EPHA6: variants seen among roughly 807,000 people sequenced by gnomAD.
EPHA6 encodes the protein EPH receptor A6.
Under a neutral mutation model 112.0 loss-of-function variants are expected in EPHA6, and 50 were observed. That is an observed-to-expected ratio of 0.45 (90% confidence interval 0.36 to 0.56). The LOEUF (loss-of-function observed/expected upper bound fraction) is 0.56. Ranked by LOEUF, EPHA6 falls within the 20% of genes least tolerant of loss-of-function variation. EPHA6 has a pLI of 0.00. For missense variants in EPHA6, 1,280 were observed against 1,417.4 expected (o/e 0.90, Z 1.56); for synonymous variants, 529 against 490.7 (o/e 1.08, Z -1.03).
At chr3:97,441,415 GACAA>G (rs756862121) in intron 6 of EPHA6, 1 of 974,472 alleles carries the variant, frequency 1.0e-6, no homozygotes, top group Non-Finnish European at 1.2e-6. Context: ...ACAAAATACA[GACAA>G]ACAAAACTAC....
At chr3:96,859,718 A>G (rs1330839879) in intron 1 of EPHA6, among the ~76,000 whole-genome samples, 1 of 152,100 alleles carries the variant, frequency 6.6e-6, no homozygotes, top group African/African-American at 2.4e-5. Flanking sequence ...TCCTACAGGT[A>G]GGAAATTATT....
intron 4 of EPHA6, among the ~76,000 whole-genome samples, chr3:97,237,489 G>C (rs2078714549): frequency 6.6e-6 from 1 of 151,928 alleles, no homozygotes; most frequent in Non-Finnish European, 1.5e-5. Flanking sequence ...TGATGTTGGA[G>C]AATCGAGTTA....
chr3:96,977,012 G>C (rs1304813907), intron 2 of EPHA6, among the ~76,000 whole-genome samples: 6 of 152,172 alleles, frequency 3.9e-5, no homozygotes, highest in Admixed American at 3.9e-4. Flanking sequence ...TGTGAAGTCT[G>C]TCAGGGTGTG....
chr3:97,289,411 G>T (rs1379997632), intron 5 of EPHA6, among the ~76,000 whole-genome samples: 3 of 152,022 alleles, frequency 2.0e-5, no homozygotes, highest in African/African-American at 4.8e-5. Flanking sequence ...TTTATTAGGG[G>T]TTCTGTATTC....
intron 11 of EPHA6, among the ~76,000 whole-genome samples, chr3:97,549,802 C>T (rs1268416555): frequency 6.6e-6 from 1 of 151,930 alleles, no homozygotes; most frequent in African/African-American, 2.4e-5. Context: ...CAAGGCGAGA[C>T]TCTGTCTCCA....
chr3:96,883,374 C>T (rs1251045673), intron 2 of EPHA6, among the ~76,000 whole-genome samples: 7 of 152,102 alleles, frequency 4.6e-5, no homozygotes. Context: ...AGGTTGTTTA[C>T]TCTGCTGACT....
At chr3:97,380,137 T>C (rs2085642801) in intron 5 of EPHA6, among the ~76,000 whole-genome samples, 1 of 152,168 alleles carries the variant, frequency 6.6e-6, no homozygotes, top group South Asian at 2.1e-4. Flanking sequence ...TAATACCTGA[T>C]CTGTCTGCAG....
chr3:97,661,116 A>T (rs1166628068), intron 14 of EPHA6, among the ~76,000 whole-genome samples: 1 of 152,178 alleles, frequency 6.6e-6, no homozygotes, highest in Non-Finnish European at 1.5e-5. Flanking sequence ...ATCCAGAAAT[A>T]ACATCTCTTT....
At chr3:96,940,390 A>G (rs530324780) in intron 2 of EPHA6, among the ~76,000 whole-genome samples, 30 of 152,224 alleles carry the variant, frequency 2.0e-4, no homozygotes, top group African/African-American at 6.7e-4. Context: ...GTTAGTTTAA[A>G]GTCTGTTTTA....
At chr3:97,622,288 G>A (rs563673706) in intron 13 of EPHA6, among the ~76,000 whole-genome samples, 23 of 151,770 alleles carry the variant, frequency 1.5e-4, no homozygotes, top group East Asian at 7.8e-4. Context: ...ACAGCATTCC[G>A]CTGTCTGTCT....
chr3:97,057,605 G>T (rs1199470547), intron 3 of EPHA6, among the ~76,000 whole-genome samples: 1 of 152,168 alleles, frequency 6.6e-6, no homozygotes, highest in East Asian at 1.9e-4. Flanking sequence ...CAGAGTAAAA[G>T]TATCAGGAGA....
chr3:97,087,707 T>C (rs1384880596), intron 3 of EPHA6, among the ~76,000 whole-genome samples: 1 of 152,180 alleles, frequency 6.6e-6, no homozygotes, highest in South Asian at 2.1e-4. Context: ...ATGACAGTAG[T>C]GAGTAACTAC....
intron 5 of EPHA6, among the ~76,000 whole-genome samples, chr3:97,297,725 T>A (rs1260304511): frequency 6.6e-6 from 1 of 152,184 alleles, no homozygotes; most frequent in Non-Finnish European, 1.5e-5. Context: ...TCTTGCACCC[T>A]CTTCAACATC....
intron 3 of EPHA6, among the ~76,000 whole-genome samples, chr3:97,103,112 G>T (rs1320395509): frequency 6.6e-6 from 1 of 151,950 alleles, no homozygotes; most frequent in Non-Finnish European, 1.5e-5. Flanking sequence ...AGTTTCTTTT[G>T]CTGTGCAGAA....
At chr3:97,641,759 T>C (rs1303327439) in intron 14 of EPHA6, among the ~76,000 whole-genome samples, 1 of 152,052 alleles carries the variant, frequency 6.6e-6, no homozygotes, top group Non-Finnish European at 1.5e-5. Context: ...CACCACGAGA[T>C]TATATCCCAC....
At chr3:96,939,149 T>G (rs1479081712) in intron 2 of EPHA6, among the ~76,000 whole-genome samples, 1 of 152,198 alleles carries the variant, frequency 6.6e-6, no homozygotes, top group Non-Finnish European at 1.5e-5. Flanking sequence ...TTCCCTCTTT[T>G]TCTGTTGATT....
At chr3:96,850,168 T>A (rs962193021) in intron 1 of EPHA6, among the ~76,000 whole-genome samples, 1 of 151,784 alleles carries the variant, frequency 6.6e-6, no homozygotes. Context: ...TGGTTTGGAG[T>A]GGAGAAGGGC....
At chr3:97,010,374 A>C (rs1190028791) in intron 3 of EPHA6, among the ~76,000 whole-genome samples, 2 of 152,226 alleles carry the variant, frequency 1.3e-5, no homozygotes, top group African/African-American at 4.8e-5. Context: ...TTCAAGCTAT[A>C]GTAGTAGGGT....
intron 2 of EPHA6, among the ~76,000 whole-genome samples, chr3:96,940,944 T>G (rs948943420): frequency 6.6e-6 from 1 of 152,254 alleles, no homozygotes; most frequent in Non-Finnish European, 1.5e-5. Flanking sequence ...TCTTCTGGCT[T>G]GTAGAGTTTC....
Sources: allele counts gnomAD v4.1 joint callset (sites outside exome capture counted in the v4.1 genomes callset), GRCh38; gene constraint gnomAD v4.1.1; transcripts MANE v1.5; gene names NCBI Gene and HGNC (gene_info 2026-07-23, HGNC 2026-07-21).